The following ARHGAP32 variants were observed in gnomAD, a reference collection of about 807,000 sequenced individuals.
ARHGAP32 encodes rho GTPase-activating protein 32.
Under a neutral mutation model 186.5 loss-of-function variants are expected in ARHGAP32, and 51 were observed. The observed-to-expected ratio is 0.27, with a 90% CI of 0.22 to 0.35. The LOEUF is 0.35. ARHGAP32 is among the 10% of genes least tolerant of loss of function. ARHGAP32 has a pLI of 1.00. For synonymous variants in ARHGAP32, 950 were observed against 964.3 expected, an observed-to-expected ratio of 0.99 and a Z score of 0.27; for missense variants, 2,186 against 2,623.5, an observed-to-expected ratio of 0.83 and a Z score of 3.64.
At chr11:129,230,247 T>C (rs1944840166) in intron 1 of ARHGAP32, among the ~76,000 whole-genome samples, 2 of 152,206 alleles carry the variant, frequency 1.3e-5, no homozygotes, top group South Asian at 4.1e-4. Flanking sequence ...TTTAACATTA[T>C]ACTGCTTGGC....
intron 5 of ARHGAP32, among the ~76,000 whole-genome samples, chr11:129,099,313 G>A (rs565384234): frequency 2.0e-5 from 3 of 152,254 alleles, no homozygotes; most frequent in African/African-American, 7.2e-5. Flanking sequence ...CATGTTTAGA[G>A]ACACAAATGC....
At chr11:129,057,914 G>A (rs1214785351) in intron 10 of ARHGAP32, among the ~76,000 whole-genome samples, 6 of 152,160 alleles carry the variant, frequency 3.9e-5, no homozygotes, top group East Asian at 3.9e-4. Flanking sequence ...GTAAGGACAC[G>A]CAAGAAAGTG....
chr11:129,060,378 T>TA (rs1555082399), intron 10 of ARHGAP32, among the ~76,000 whole-genome samples: 10 of 145,116 alleles, frequency 6.9e-5, no homozygotes, highest in Non-Finnish European at 9.2e-5. Context: ...GATAGATAGA[T>TA]AGATAAGATA....
intron 5 of ARHGAP32, among the ~76,000 whole-genome samples, chr11:129,121,190 T>A (rs577042917): frequency 3.9e-5 from 6 of 152,118 alleles, no homozygotes; most frequent in Middle Eastern, 3.4e-3. Context: ...TTTTTTTTTC[T>A]TTAAATGGCA....
chr11:129,174,026 G>A (rs1943836787), intron 1 of ARHGAP32, among the ~76,000 whole-genome samples: 1 of 152,218 alleles, frequency 6.6e-6, no homozygotes, highest in African/African-American at 2.4e-5. Flanking sequence ...TCCATCTGAG[G>A]TACCAGGTTC....
At chr11:129,251,948 A>AAG (rs1945191612) in intron 1 of ARHGAP32, among the ~76,000 whole-genome samples, 2 of 151,314 alleles carry the variant, frequency 1.3e-5, no homozygotes, top group South Asian at 4.2e-4. Flanking sequence ...AAAAAAAAAA[A>AAG]GTACCATTAC....
intron 1 of ARHGAP32, among the ~76,000 whole-genome samples, chr11:129,179,520 G>A (rs574727468): frequency 0.1 from 14,703 of 144,824 alleles, 954 homozygotes; most frequent in Non-Finnish European, 0.13. Context: ...CATTATTCAT[G>A]ATAGCAAAGA....
At chr11:128,985,752 T>C (rs1945844533) in intron 15 of ARHGAP32, 1 of 165,120 alleles carries the variant, frequency 6.1e-6, no homozygotes, top group South Asian at 2.0e-4. Context: ...GCCCTGGGGA[T>C]CTAAGGACAA....
intron 1 of ARHGAP32, among the ~76,000 whole-genome samples, chr11:129,278,904 C>CGCGGGGA (rs957699948): frequency 9.6e-5 from 14 of 146,258 alleles, no homozygotes; most frequent in Non-Finnish European, 1.4e-4. Context: ...TCGCGGAGGC[C>CGCGGGGA]GCGGGGAGCG....
In ARHGAP32 at chr11:128,974,852, T is replaced by C; in HGVS notation, c.2345A>G (p.His782Arg). ...ATGAGGAGACATAAGGGCTGGGATA[T>C]GAAGCAGCCCTCCTTCCTCCTCACT... ...NESEEEGGLL[H>R]IPALMSPHSA... The change falls in exon 21 of 23, where the codon CAT (histidine) becomes CGT (arginine). Residue 782 changes from histidine (H) to arginine (R), a missense_variant. Physicochemically the swap from His to Arg is conservative, Grantham distance 29. Coordinates refer to ENST00000682385, the MANE Select transcript of ARHGAP32 (RefSeq NM_001378024.1). 6.2e-7 allele frequency: 1 copy of C among 1,614,152 alleles called. No homozygotes were observed. Among genetic ancestry groups the C allele is most frequent in the Non-Finnish European group, 8.5e-7 (1 of 1,180,022 alleles).
intron 2 of ARHGAP32, among the ~76,000 whole-genome samples, chr11:129,147,286 G>C (rs897348490): frequency 6.6e-6 from 1 of 152,084 alleles, no homozygotes; most frequent in Non-Finnish European, 1.5e-5. Context: ...GTGGATTCCA[G>C]AAGTGAAATC....
At chr11:129,053,744 A>G (rs1940145198) in intron 10 of ARHGAP32, among the ~76,000 whole-genome samples, 1 of 152,198 alleles carries the variant, frequency 6.6e-6, no homozygotes, top group African/African-American at 2.4e-5. Context: ...AAGAAATGTT[A>G]GCAATTTATT....
chr11:129,215,368 T>C (rs1481911162), intron 1 of ARHGAP32, among the ~76,000 whole-genome samples: 1 of 152,214 alleles, frequency 6.6e-6, no homozygotes, highest in Non-Finnish European at 1.5e-5. Flanking sequence ...TATGTATTAA[T>C]TTCTGCTTTG....
At chr11:129,091,397 T>C (rs1183180566) in intron 6 of ARHGAP32, among the ~76,000 whole-genome samples, 1 of 152,042 alleles carries the variant, frequency 6.6e-6, no homozygotes, top group South Asian at 2.1e-4. Context: ...ATAAAAACTT[T>C]TAAGGGCAGG....
At chr11:129,094,870 A>G (rs186831378) in intron 5 of ARHGAP32, among the ~76,000 whole-genome samples, 2 of 152,280 alleles carry the variant, frequency 1.3e-5, no homozygotes, top group Admixed American at 1.3e-4. Context: ...CAACTGGAAA[A>G]TGAGGATGAT....
At chr11:129,236,051 C>T (rs888708789) in intron 1 of ARHGAP32, among the ~76,000 whole-genome samples, 15 of 152,040 alleles carry the variant, frequency 9.9e-5, no homozygotes, top group Non-Finnish European at 2.2e-4. Context: ...GTATCTTTTT[C>T]GAATAATGAC....
chr11:129,213,114 T>C (rs1217706144), intron 1 of ARHGAP32, among the ~76,000 whole-genome samples: 2 of 152,314 alleles, frequency 1.3e-5, no homozygotes, highest in South Asian at 2.1e-4. Context: ...ATAAGACATA[T>C]GCATTTCCAT....
At chr11:129,082,814 C>T (rs1047452865) in intron 6 of ARHGAP32, among the ~76,000 whole-genome samples, 1 of 152,060 alleles carries the variant, frequency 6.6e-6, no homozygotes, top group Non-Finnish European at 1.5e-5. Context: ...AAAATCTCCA[C>T]AAACTATGCA....
At chr11:129,211,635 T>G (rs1278087999) in intron 1 of ARHGAP32, among the ~76,000 whole-genome samples, 1 of 152,162 alleles carries the variant, frequency 6.6e-6, no homozygotes, top group Non-Finnish European at 1.5e-5. Flanking sequence ...CACCCACTTG[T>G]GTAACTTAAA....
Sources: gnomAD v4.1 joint callset for allele counts (sites outside exome capture counted in the v4.1 genomes callset) on GRCh38, gnomAD v4.1.1 for gene constraint, MANE v1.5 for transcripts, NCBI Gene and HGNC (gene_info 2026-07-23, HGNC 2026-07-21) for gene names.